LRRTM4: variants seen among roughly 807,000 people sequenced by gnomAD.
LRRTM4 encodes the protein leucine rich repeat transmembrane neuronal 4.
Under a neutral mutation model 47.6 loss-of-function variants are expected in LRRTM4, and 25 were observed. The ratio of observed to expected loss-of-function variants is 0.53; its 90% CI spans 0.38 to 0.73. The LOEUF is 0.73. Among genes scored for constraint, LRRTM4 ranks in the 30% least tolerant of loss-of-function variants. LRRTM4 has a pLI of 0.00. For synonymous variants in LRRTM4, 311 were observed against 269.5 expected, an observed-to-expected ratio of 1.15 and a Z score of -1.51; for missense variants, 638 against 713.4, an observed-to-expected ratio of 0.89 and a Z score of 1.20.
chr2:77,511,779 T>C (rs1412869065), intron 3 of LRRTM4, among the ~76,000 whole-genome samples: 1 of 152,142 alleles, frequency 6.6e-6, no homozygotes, highest in Non-Finnish European at 1.5e-5. Context: ...TGTATCAGCT[T>C]TGCTGTCATT....
rs766726287 is a variant in LRRTM4, at chr2:76,889,761, CT to C, written c.1552-140846del. ...GCAGTAAAATTTTACTTGCTTTTCT[CT>C]TCTTTTGTAGTTTTTTCATATAGGA... On this transcript the variant is annotated intron_variant, in intron 3 of 3. Transcript: ENST00000409884. 4.0e-5 allele frequency among the ~76,000 whole-genome samples: 6 copies of C among 151,862 alleles called. No individual in the cohort carries two copies. In the East Asian group the frequency reaches 1.2e-3, roughly 29 times the overall value.
intron 3 of LRRTM4, among the ~76,000 whole-genome samples, chr2:77,225,554 A>G (rs983936553): frequency 3.9e-5 from 6 of 152,096 alleles, no homozygotes; most frequent in Non-Finnish European, 8.8e-5. Flanking sequence ...TTGTTAGGTA[A>G]ATAGTGGGAA....
At chr2:77,504,984 G>A (rs1158957074) in intron 3 of LRRTM4, among the ~76,000 whole-genome samples, 2 of 150,966 alleles carry the variant, frequency 1.3e-5, no homozygotes, top group African/African-American at 4.8e-5. Context: ...TACATTTCAA[G>A]GGAAAACAAT....
At chr2:76,904,456 A>G (rs1673752185) in intron 3 of LRRTM4, among the ~76,000 whole-genome samples, 1 of 152,154 alleles carries the variant, frequency 6.6e-6, no homozygotes, top group Admixed American at 6.5e-5. Flanking sequence ...AATTCCATAT[A>G]TTATTATAGG....
At chr2:77,264,001 T>G (rs1464599371) in intron 3 of LRRTM4, among the ~76,000 whole-genome samples, 2 of 149,912 alleles carry the variant, frequency 1.3e-5, no homozygotes, top group African/African-American at 2.5e-5. Context: ...AAACCGAAAC[T>G]TCTTTAAGTT....
At chr2:77,482,239 T>C (rs1371638885) in intron 3 of LRRTM4, among the ~76,000 whole-genome samples, 1 of 152,236 alleles carries the variant, frequency 6.6e-6, no homozygotes, top group Non-Finnish European at 1.5e-5. Flanking sequence ...TGCCAATCTT[T>C]ATTCCAACTG....
intron 3 of LRRTM4, among the ~76,000 whole-genome samples, chr2:77,229,348 C>G (rs1209352095): frequency 6.6e-6 from 1 of 152,022 alleles, no homozygotes; most frequent in Non-Finnish European, 1.5e-5. Flanking sequence ...TCATATATTC[C>G]TTTATCCAAA....
At chr2:77,494,197 T>C (rs982726174) in intron 3 of LRRTM4, among the ~76,000 whole-genome samples, 2 of 152,160 alleles carry the variant, frequency 1.3e-5, no homozygotes, top group Non-Finnish European at 2.9e-5. Context: ...AATAATGAAC[T>C]GCAGAAGATA....
At chr2:77,144,009 G>A (rs1307479020) in intron 3 of LRRTM4, among the ~76,000 whole-genome samples, 5 of 152,164 alleles carry the variant, frequency 3.3e-5, no homozygotes, top group Admixed American at 1.3e-4. Context: ...TATTTATTAG[G>A]AAATGTCTCT....
At chr2:76,835,139 T>C (rs1181265418) in intron 3 of LRRTM4, among the ~76,000 whole-genome samples, 1 of 152,120 alleles carries the variant, frequency 6.6e-6, no homozygotes, top group African/African-American at 2.4e-5. Context: ...TTGATGTGTA[T>C]TGGGCAAGTC....
chr2:77,508,451 T>C (rs1365468011), intron 3 of LRRTM4, among the ~76,000 whole-genome samples: 1 of 152,154 alleles, frequency 6.6e-6, no homozygotes, highest in Non-Finnish European at 1.5e-5. Context: ...AATCAGAATA[T>C]ATATACTCAA....
chr2:77,460,424 C>T (rs1220594958), intron 3 of LRRTM4, among the ~76,000 whole-genome samples: 2 of 152,086 alleles, frequency 1.3e-5, no homozygotes, highest in African/African-American at 4.8e-5. Flanking sequence ...AGAGAGAAGT[C>T]ATTATAGCTA....
intron 3 of LRRTM4, among the ~76,000 whole-genome samples, chr2:76,804,661 A>G (rs1675873400): frequency 6.8e-6 from 1 of 147,894 alleles, no homozygotes; most frequent in South Asian, 2.1e-4. Flanking sequence ...TAGTAAATAT[A>G]TAGTATAAAA....
At chr2:77,266,243 A>G (rs1245730436) in intron 3 of LRRTM4, among the ~76,000 whole-genome samples, 1 of 152,168 alleles carries the variant, frequency 6.6e-6, no homozygotes, top group African/African-American at 2.4e-5. Flanking sequence ...TTAAAACATG[A>G]CAGTAGAGAG....
At chr2:77,066,752 T>C (rs1026888081) in intron 3 of LRRTM4, among the ~76,000 whole-genome samples, 6 of 152,332 alleles carry the variant, frequency 3.9e-5, no homozygotes, top group Admixed American at 2.0e-4. Context: ...AGTATTAAAA[T>C]AATAGGAGCT....
intron 3 of LRRTM4, among the ~76,000 whole-genome samples, chr2:77,349,715 G>T (rs1385432674): frequency 6.6e-6 from 1 of 151,982 alleles, no homozygotes; most frequent in African/African-American, 2.4e-5. Flanking sequence ...TATAGAAGTT[G>T]TAAAAAATAA....
At chr2:77,403,790 C>A (rs1674059613) in intron 3 of LRRTM4, among the ~76,000 whole-genome samples, 1 of 151,364 alleles carries the variant, frequency 6.6e-6, no homozygotes, top group South Asian at 2.1e-4. Flanking sequence ...CCTGTAATGG[C>A]CAATACTAAA....
At chr2:76,749,715 A>C (rs1672782067) in intron 3 of LRRTM4, among the ~76,000 whole-genome samples, 1 of 152,234 alleles carries the variant, frequency 6.6e-6, no homozygotes, top group Non-Finnish European at 1.5e-5. Flanking sequence ...CAGTTATAAT[A>C]ATTTTGAATT....
At chr2:77,498,934 C>T (rs1470503912) in intron 3 of LRRTM4, among the ~76,000 whole-genome samples, 2 of 151,846 alleles carry the variant, frequency 1.3e-5, no homozygotes, top group Non-Finnish European at 2.9e-5. Context: ...GAGATACCTA[C>T]AGATCTCTAC....
Sources: allele counts gnomAD v4.1 joint callset (sites outside exome capture counted in the v4.1 genomes callset), GRCh38; gene constraint gnomAD v4.1.1; transcripts MANE v1.5; gene names NCBI Gene and HGNC (gene_info 2026-07-23, HGNC 2026-07-21).